Variants in TLE4 observed in about 807,000 individuals in gnomAD.
TLE4 encodes transducin-like enhancer protein 4.
In TLE4, 8 loss-of-function variants were observed where a neutral mutation model predicts 92.8. The observed-to-expected ratio is 0.09, with a 90% CI of 0.05 to 0.16. TLE4 has a LOEUF of 0.16. Among genes scored for constraint, TLE4 ranks in the 10% least tolerant of loss-of-function variants. The probability of loss-of-function intolerance (pLI) is 1.00; values close to 1 mark genes in which losing one functional copy is unlikely to be tolerated. For synonymous variants in TLE4, 371 were observed against 374.1 expected, an observed-to-expected ratio of 0.99 and a Z score of 0.10; for missense variants, 675 against 997.6, an observed-to-expected ratio of 0.68 and a Z score of 4.36.
At position 79,687,452 on chromosome 9, in the gene TLE4, C is replaced by T. The variant is rs559167300; in HGVS notation, c.610-17331C>T. Among the ~76,000 whole-genome samples the T allele has an allele frequency of 2.0e-3, 298 of 152,296 alleles. 1 individual carries two copies. The highest frequency in any genetic ancestry group is 6.7e-3 in the African/African-American group (280 of 41,566). ...AGAGCTTTTCCTTCTCTAATCTTTT[C>T]AGAAAACAAAACAAAATAAAATTTT... On this transcript the variant is annotated intron_variant, in intron 8 of 19. Transcript: ENST00000376552.
chr9:79,589,756 C>A (rs1564184268), intron 4 of TLE4, among the ~76,000 whole-genome samples: 2 of 152,076 alleles, frequency 1.3e-5, no homozygotes, highest in African/African-American at 2.4e-5. Context: ...TGGTTGGTAC[C>A]AAGATGTATA....
chr9:79,600,390 CG>C (rs1308935299), intron 4 of TLE4, among the ~76,000 whole-genome samples: 2 of 151,998 alleles, frequency 1.3e-5, no homozygotes, highest in African/African-American at 4.8e-5. Flanking sequence ...CAGCCTGTCT[CG>C]GGTGGCTTCC....
intron 4 of TLE4, 144 bp from the exon 5 acceptor site, chr9:79,612,512 A>T: frequency 1.4e-6 from 1 of 691,760 alleles, no homozygotes; most frequent in Non-Finnish European, 2.6e-6. Flanking sequence ...TAATGGGCTT[A>T]CTGATGAGAT....
intron 4 of TLE4, among the ~76,000 whole-genome samples, chr9:79,602,103 G>A (rs1446734334): frequency 1.3e-5 from 2 of 152,312 alleles, no homozygotes; most frequent in African/African-American, 2.4e-5. Flanking sequence ...AAGGCTGAGA[G>A]AGATGAGAAA....
At position 79,689,330 on chromosome 9, in the gene TLE4, T is replaced by G. The variant is rs533933814; in HGVS notation, c.610-15453T>G. 1.2e-4 allele frequency among the ~76,000 whole-genome samples: 19 copies of G among 152,050 alleles called. No homozygotes were observed. In the East Asian group the frequency reaches 1.7e-3, roughly 14 times the overall value. ...TGTTACATCAATTTTTATTGTTGTT[T>G]TTTTTTTTTCTTAATCAGGCAGGGT... On this transcript the variant is annotated intron_variant, in intron 8 of 19. Transcript: ENST00000376552.
At chr9:79,592,188 C>CTTCTTCTTCTTT (rs1564202812) in intron 4 of TLE4, among the ~76,000 whole-genome samples, 1 of 99,724 alleles carries the variant, frequency 1.0e-5, no homozygotes, top group Non-Finnish European at 2.1e-5. Context: ...TCTTCCTCTT[C>CTTCTTCTTCTTT]TTCTTCTTCT....
At chr9:79,577,325 C>T (rs926764331) in intron 4 of TLE4, among the ~76,000 whole-genome samples, 1 of 152,112 alleles carries the variant, frequency 6.6e-6, no homozygotes, top group African/African-American at 2.4e-5. Context: ...ATAAGGCAAT[C>T]TGATGAATAG....
chr9:79,573,554 A>G (rs2036598149), intron 1 of TLE4, 135 bp from the exon 2 acceptor site: 1 of 832,524 alleles, frequency 1.2e-6, no homozygotes, highest in Non-Finnish European at 1.7e-6. Flanking sequence ...GGGTTGCGGG[A>G]GGAGAGTTTT....
intron 4 of TLE4, among the ~76,000 whole-genome samples, chr9:79,611,299 A>G (rs930570887): frequency 6.6e-6 from 1 of 152,024 alleles, no homozygotes; most frequent in Non-Finnish European, 1.5e-5. Context: ...TTGGGTCCTT[A>G]TTCACTGCAG....
intron 4 of TLE4, among the ~76,000 whole-genome samples, chr9:79,599,262 T>A (rs919912572): frequency 9.9e-5 from 15 of 152,204 alleles, no homozygotes; most frequent in African/African-American, 3.6e-4. Flanking sequence ...CCAGTGAACC[T>A]CTTCTGTCCT....
intron 14 of TLE4, among the ~76,000 whole-genome samples, chr9:79,715,660 C>G (rs994608675): frequency 9.9e-5 from 15 of 152,064 alleles, no homozygotes; most frequent in African/African-American, 3.6e-4. Context: ...GAGTATTTCC[C>G]CAGTGTATTA....
At chr9:79,573,560 G>GT (rs2036602087) in intron 1 of TLE4, 129 bp from the exon 2 acceptor site, 1 of 865,874 alleles carries the variant, frequency 1.2e-6, no homozygotes, top group African/African-American at 1.7e-5. Context: ...CGGGAGGAGA[G>GT]TTTTAATCTC....
chr9:79,588,020 C>T (rs185782266), intron 4 of TLE4, among the ~76,000 whole-genome samples: 5 of 152,294 alleles, frequency 3.3e-5, no homozygotes, highest in Admixed American at 2.6e-4. Flanking sequence ...TGGTAGGTTA[C>T]AGAGTAGGGG....
At chr9:79,592,138 CTTCT>C (rs980872848) in intron 4 of TLE4, among the ~76,000 whole-genome samples, 9 of 151,298 alleles carry the variant, frequency 5.9e-5, no homozygotes, top group East Asian at 1.9e-4. Flanking sequence ...CTTCTTCTTT[CTTCT>C]TTCTTCTTTC....
At chr9:79,637,991 A>G (rs894668962) in intron 6 of TLE4, among the ~76,000 whole-genome samples, 1 of 152,134 alleles carries the variant, frequency 6.6e-6, no homozygotes, top group African/African-American at 2.4e-5. Context: ...ATAGCAAAAT[A>G]TCATGTGGGG....
chr9:79,573,909 C>T lies in TLE4; in HGVS notation c.143+123C>T, dbSNP rs1456857049. On this transcript the variant is annotated intron_variant, in intron 2 of 19. Coordinates refer to ENST00000376552, the MANE Select transcript of TLE4 (RefSeq NM_007005.6). Reference sequence around the variant, plus strand: ...CGTCACAAAGGTATTATTTTTTTTTCTCGGTGGGCAGAAAGGGCAAATCAA... The same window carrying T: ...CGTCACAAAGGTATTATTTTTTTTTTTCGGTGGGCAGAAAGGGCAAATCAA... The T allele has an allele frequency of 1.3e-5, 8 of 594,742 alleles. No homozygotes were observed. In the Admixed American group the frequency reaches 3.1e-4, roughly 23 times the overall value. 36.8% of individuals were successfully genotyped at this position (594,742 alleles called of 1,614,324 possible).
chr9:79,574,222 TA>T (rs773345484), intron 2 of TLE4: 2,592 of 140,382 alleles, frequency 0.018, 37 homozygotes, highest in African/African-American at 0.044. Context: ...ACTTTTATGC[TA>T]AAAAAAAAAA....
At chr9:79,688,583 T>C (rs2066382839) in intron 8 of TLE4, among the ~76,000 whole-genome samples, 1 of 151,914 alleles carries the variant, frequency 6.6e-6, no homozygotes, top group Non-Finnish European at 1.5e-5. Context: ...AAATTATTTC[T>C]TTATTACTGT....
chr9:79,668,670 G>T (rs900278001), intron 8 of TLE4, among the ~76,000 whole-genome samples: 12 of 152,128 alleles, frequency 7.9e-5, no homozygotes, highest in African/African-American at 2.9e-4. Flanking sequence ...AAGTATTTTG[G>T]ACTGGGGAGA....
Sources: allele counts gnomAD v4.1 joint callset (sites outside exome capture counted in the v4.1 genomes callset), GRCh38; gene constraint gnomAD v4.1.1; transcripts MANE v1.5; gene names NCBI Gene and HGNC (gene_info 2026-07-23, HGNC 2026-07-21).